Variants in KIF1B observed in about 807,000 individuals in gnomAD.
KIF1B encodes the protein kinesin family member 1B.
A neutral mutation model predicts 241.9 loss-of-function variants in KIF1B; 76 were observed. The observed-to-expected ratio is 0.31, with a 90% CI of 0.26 to 0.38. The LOEUF is 0.38. KIF1B is among the 10% of genes least tolerant of loss of function. The pLI is 1.00. For missense variants in KIF1B, 1,622 were observed against 2,271.4 expected (o/e 0.71, Z 5.81); for synonymous variants, 750 against 796.7 (o/e 0.94, Z 0.99).
chr1:10,282,307 C>T lies in KIF1B; in HGVS notation c.1223-15C>T. On this transcript the variant is annotated splice_polypyrimidine_tract_variant and intron_variant, in intron 14 of 48. Coordinates refer to ENST00000676179, the MANE Select transcript of KIF1B (RefSeq NM_001365951.3). ...TTCCCTACTTTTCCTGCCTTCTCTT[C>T]TTTCTATCTCCCAGATCTGAAAGAT... 1.2e-6 allele frequency: 2 copies of T among 1,606,350 alleles called. No individual in the cohort carries two copies. The highest frequency in any genetic ancestry group is 1.7e-6 in the Non-Finnish European group (2 of 1,173,466).
intron 44 of KIF1B, among the ~76,000 whole-genome samples, chr1:10,368,788 T>C (rs1321082287): frequency 2.6e-5 from 4 of 152,228 alleles, no homozygotes; most frequent in African/African-American, 9.6e-5. Flanking sequence ...ACATTTTGGC[T>C]TTTTCATGAC....
At chr1:10,257,309 CA>C (rs70997215) in intron 3 of KIF1B, among the ~76,000 whole-genome samples, 133,425 of 138,888 alleles carry the variant, frequency 0.96, 64,096 homozygotes, top group East Asian at 1. Context: ...CTAAAAATTC[CA>C]AAAAAAAAAA....
intron 1 of KIF1B, among the ~76,000 whole-genome samples, chr1:10,217,091 A>G (rs1367803323): frequency 6.9e-6 from 1 of 144,388 alleles, no homozygotes; most frequent in Non-Finnish European, 1.5e-5. Context: ...CTCCTGCCTC[A>G]GCCTCCCAAG....
At chr1:10,237,062 A>G (rs1364873618) in intron 2 of KIF1B, among the ~76,000 whole-genome samples, 1 of 152,234 alleles carries the variant, frequency 6.6e-6, no homozygotes, top group African/African-American at 2.4e-5. Context: ...AAGAGTATGA[A>G]GAGTACTTTA....
At chr1:10,281,657 C>G (rs1649410956) in intron 14 of KIF1B, among the ~76,000 whole-genome samples, 1 of 152,178 alleles carries the variant, frequency 6.6e-6, no homozygotes, top group African/African-American at 2.4e-5. Flanking sequence ...CCTGTTGAGG[C>G]AATCAATTAG....
At chr1:10,367,431 C>T (rs1218326351) in intron 43 of KIF1B, among the ~76,000 whole-genome samples, 5 of 151,122 alleles carry the variant, frequency 3.3e-5, no homozygotes, top group African/African-American at 1.2e-4. Flanking sequence ...TGGCTGGGTG[C>T]GGTGGCACAC....
Position 10,303,280 on chromosome 1 carries a change from A to G in KIF1B, c.2115+6034A>G. On this transcript the variant is annotated intron_variant, in intron 22 of 48. Coordinates refer to ENST00000676179, the MANE Select transcript of KIF1B (RefSeq NM_001365951.3). The surrounding 1 kb of genome is among the most constrained non-coding windows in gnomAD (Gnocchi z 5.2). ...CAGCAAGTTGCAAACCATTGTTAAA[A>G]AATGTGGCCTCCCAAGCAGTGGGAA... The G allele has an allele frequency of 6.2e-7, 1 of 1,614,198 alleles. No homozygotes were observed. The highest frequency in any genetic ancestry group is 8.5e-7 in the Non-Finnish European group (1 of 1,180,042).
rs1472781137 is a variant in KIF1B, at chr1:10,263,280, ATAAT to A, written c.429+1311_429+1314del. ...GCCTGGAGTCTGTCTCAAAAAAAAA[ATAAT>A]AATAATAAATAAATAAAAAGAAGAA... On this transcript the variant is annotated intron_variant, in intron 5 of 48. Coordinates refer to ENST00000676179, the MANE Select transcript of KIF1B (RefSeq NM_001365951.3). 1.0e-4 allele frequency among the ~76,000 whole-genome samples: 14 copies of A among 138,436 alleles called. 1 individual carries two copies. Among genetic ancestry groups the A allele is most frequent in the Non-Finnish European group, 2.3e-4 (14 of 60,766 alleles). The allele number at this position is 138,436 out of a possible 152,430, so 90.8% of individuals were successfully genotyped here. A position where few individuals can be genotyped will look rare whatever the true frequency, so the allele number is the denominator to read the frequency against.
At chr1:10,237,799 G>A (rs1342602664) in intron 2 of KIF1B, among the ~76,000 whole-genome samples, 1 of 152,088 alleles carries the variant, frequency 6.6e-6, no homozygotes, top group African/African-American at 2.4e-5. Context: ...TTGAGTCCAG[G>A]AGTTTGAGAC....
chr1:10,220,653 C>A (rs964763665), intron 1 of KIF1B, among the ~76,000 whole-genome samples: 1 of 151,778 alleles, frequency 6.6e-6, no homozygotes, highest in Non-Finnish European at 1.5e-5. Context: ...AAAGTGAGAC[C>A]CCTTTTCTTT....
intron 2 of KIF1B, among the ~76,000 whole-genome samples, chr1:10,238,706 A>AAACAACAACAACAACAACAACAAC (rs146414281): frequency 6.6e-6 from 1 of 150,576 alleles, no homozygotes; most frequent in African/African-American, 2.4e-5. Flanking sequence ...CCCCATCCAA[A>AAACAACAACAACAACAACAACAAC]AACAACAACA....
intron 15 of KIF1B, among the ~76,000 whole-genome samples, chr1:10,283,789 T>C (rs779959226): frequency 3.9e-5 from 6 of 152,258 alleles, no homozygotes; most frequent in African/African-American, 7.2e-5. Flanking sequence ...TCTGAGAAGT[T>C]GCAGTCATGC....
Position 10,210,718 on chromosome 1 carries a change from T to C in KIF1B, c.-240T>C, listed in dbSNP as rs1646681006. 1 of 150,992 alleles carries C rather than the reference T, an allele frequency of 6.6e-6. No individual in the cohort carries two copies. Among genetic ancestry groups the C allele is most frequent in the African/African-American group, 2.4e-5 (1 of 41,310 alleles). 9.4% of individuals were successfully genotyped at this position (150,992 alleles called of 1,614,324 possible). On this transcript the variant is annotated 5_prime_UTR_variant, in exon 1 of 49. The change abolishes an upstream ATG in the 5' untranslated region. Transcript: ENST00000676179. This position sits in a 1 kb window ranked among gnomAD's most constrained non-coding sequence, Gnocchi z 4.1. ...GCCCACCGCCCACCTCCCACCTCGATGCGGTGCCGGGCTGCTGCGTGATGG... is the reference window on the plus strand; with the variant it reads ...GCCCACCGCCCACCTCCCACCTCGACGCGGTGCCGGGCTGCTGCGTGATGG...
chr1:10,356,086 G>A (rs1411194887), intron 38 of KIF1B, among the ~76,000 whole-genome samples: 1 of 152,064 alleles, frequency 6.6e-6, no homozygotes, highest in Non-Finnish European at 1.5e-5. Flanking sequence ...AACATAAACG[G>A]GCTGGGCTCA....
chr1:10,306,277 G>A, intron 22 of KIF1B: 1 of 1,044,762 alleles, frequency 9.6e-7, no homozygotes, highest in South Asian at 4.6e-5. Flanking sequence ...TCTGTAATGG[G>A]TTGAGTTACT....
intron 1 of KIF1B, among the ~76,000 whole-genome samples, chr1:10,220,611 A>G (rs75700290): frequency 0.038 from 5,856 of 152,180 alleles, 354 homozygotes; most frequent in African/African-American, 0.13. Context: ...ATGAGCTTCA[A>G]TCACACCACT....
chr1:10,230,998 G>C (rs1209393532), intron 1 of KIF1B: 1 of 152,176 alleles, frequency 6.6e-6, no homozygotes, highest in Non-Finnish European at 1.5e-5. Context: ...TGAATCTGAG[G>C]TGAGGAGTTC....
intron 17 of KIF1B, among the ~76,000 whole-genome samples, chr1:10,294,204 C>T (rs1428097188): frequency 6.6e-6 from 1 of 152,042 alleles, no homozygotes; most frequent in Non-Finnish European, 1.5e-5. Context: ...GTTATTTTCA[C>T]TAAAGAAGGT....
intron 22 of KIF1B, among the ~76,000 whole-genome samples, chr1:10,315,604 T>C (rs918304363): frequency 1.3e-5 from 2 of 151,576 alleles, no homozygotes; most frequent in African/African-American, 4.9e-5. Context: ...GGAAAGAGAG[T>C]GTTTTAATCC....
Sources: allele counts gnomAD v4.1 joint callset (sites outside exome capture counted in the v4.1 genomes callset), GRCh38; gene constraint gnomAD v4.1.1; non-coding constraint Gnocchi (gnomAD v3.1); transcripts MANE v1.5; gene names NCBI Gene and HGNC (gene_info 2026-07-23, HGNC 2026-07-21).